Variants in LRP8 observed in about 807,000 individuals in gnomAD.
LRP8 encodes the protein LDL receptor related protein 8.
Under a neutral mutation model 111.6 loss-of-function variants are expected in LRP8, and 46 were observed. That is an observed-to-expected ratio of 0.41 (90% CI 0.33 to 0.53). LRP8 has a LOEUF of 0.53. Among genes scored for constraint, LRP8 ranks in the 20% least tolerant of loss-of-function variants. LRP8 has a pLI of 0.20. For missense variants in LRP8, 959 were observed against 1,297.4 expected, an observed-to-expected ratio of 0.74 and a Z score of 4.01; for synonymous variants, 464 against 511.2, an observed-to-expected ratio of 0.91 and a Z score of 1.24.
intron 2 of LRP8, among the ~76,000 whole-genome samples, chr1:53,316,277 AC>A (rs916106679): frequency 6.6e-6 from 1 of 152,124 alleles, no homozygotes; most frequent in African/African-American, 2.4e-5. Context: ...CTGATGTACC[AC>A]TTGGCCCCTA....
chr1:53,308,624 C>G (rs1325985365), intron 2 of LRP8, among the ~76,000 whole-genome samples: 1 of 152,194 alleles, frequency 6.6e-6, no homozygotes, highest in Non-Finnish European at 1.5e-5. Flanking sequence ...GGGAAATCCC[C>G]CATCCTCACC....
rs1226166587 is a variant in LRP8 at position 53,280,766 on chromosome 1, T to C, written c.368-51A>G. On this transcript the variant is annotated intron_variant, in intron 3 of 18. Coordinates refer to ENST00000306052, the MANE Select transcript of LRP8 (RefSeq NM_004631.5). ...GCTTAGCCAAGGGGGACACAGGGCATGGTGCCAACCAGTCCTACCACCCTG... is the reference window on the plus strand; with the variant it reads ...GCTTAGCCAAGGGGGACACAGGGCACGGTGCCAACCAGTCCTACCACCCTG... 3.1e-6 allele frequency: 5 copies of C among 1,600,526 alleles called. No homozygotes were observed. The South Asian group carries it at 5.5e-5, about 18-fold the overall frequency.
intron 2 of LRP8, among the ~76,000 whole-genome samples, chr1:53,298,575 A>G (rs1293677888): frequency 6.6e-6 from 1 of 152,208 alleles, no homozygotes; most frequent in Non-Finnish European, 1.5e-5. Flanking sequence ...AAGAAAACTC[A>G]TGACATTCTT....
intron 4 of LRP8, among the ~76,000 whole-genome samples, chr1:53,277,350 G>A (rs1646959392): frequency 6.6e-6 from 1 of 152,320 alleles, no homozygotes; most frequent in African/African-American, 2.4e-5. Context: ...GGGGGATTCC[G>A]AAACCTTAGA....
intron 1 of LRP8, 92 bp downstream of exon 1, chr1:53,327,697 G>T (rs1463779726): frequency 7.6e-7 from 1 of 1,322,494 alleles, no homozygotes; most frequent in African/African-American, 1.6e-5. Context: ...GATAGCCCCG[G>T]GTTCTGGACC....
intron 8 of LRP8, chr1:53,267,033 GGCTTCCTGC>G: frequency 5.3e-6 from 1 of 187,930 alleles, no homozygotes; most frequent in Non-Finnish European, 1.1e-5. Flanking sequence ...GCCATGGATG[GGCTTCCTGC>G]CTCAGAGCCT....
intron 8 of LRP8, among the ~76,000 whole-genome samples, chr1:53,270,716 G>A (rs865838873): frequency 6.6e-5 from 10 of 152,194 alleles, no homozygotes; most frequent in Non-Finnish European, 1.0e-4. Context: ...CCCACTCTGC[G>A]TCACCTTTCA....
chr1:53,266,436 C>T lies in LRP8; in HGVS notation c.1427+37G>A, dbSNP rs1158246469. 3.1e-6 allele frequency: 5 copies of T among 1,604,136 alleles called. No individual in the cohort carries two copies. The highest frequency in any genetic ancestry group is 4.5e-5 in the East Asian group (2 of 44,680). ...CACCTGTCACCACCCCTCACCCCCACTCTTCATGCCTTGCTGCAGAGGATA... is the reference window on the plus strand; with the variant it reads ...CACCTGTCACCACCCCTCACCCCCATTCTTCATGCCTTGCTGCAGAGGATA... On this transcript the variant is annotated intron_variant, in intron 9 of 18. Coordinates refer to ENST00000306052, the MANE Select transcript of LRP8 (RefSeq NM_004631.5). The surrounding 1 kb of genome is among the most constrained non-coding windows in gnomAD (Gnocchi z 5.0).
At chr1:53,261,920 G>A (rs1646354132) in intron 12 of LRP8, 148 bp downstream of exon 12, 1 of 940,292 alleles carries the variant, frequency 1.1e-6, no homozygotes, top group Non-Finnish European at 1.6e-6. Flanking sequence ...TTGTGTGCAG[G>A]CAGCTCACAG....
At chr1:53,267,747 T>G (rs1321172688) in intron 8 of LRP8, 1 of 152,222 alleles carries the variant, frequency 6.6e-6, no homozygotes, top group East Asian at 1.9e-4. Flanking sequence ...ACCTAGACTT[T>G]CCTGGCTACT....
intron 3 of LRP8, among the ~76,000 whole-genome samples, chr1:53,287,713 T>C (rs1161652751): frequency 6.6e-6 from 1 of 151,786 alleles, no homozygotes; most frequent in Non-Finnish European, 1.5e-5. Flanking sequence ...CCCTCAACTG[T>C]GAAAAGCGGG....
chr1:53,300,029 T>A (rs1449843048), intron 2 of LRP8, among the ~76,000 whole-genome samples: 2 of 152,220 alleles, frequency 1.3e-5, no homozygotes, highest in Non-Finnish European at 2.9e-5. Flanking sequence ...GTAGTCACTG[T>A]CCTACCAAAG....
chr1:53,269,147 T>C (rs990575564), intron 8 of LRP8, among the ~76,000 whole-genome samples: 3 of 152,198 alleles, frequency 2.0e-5, no homozygotes, highest in African/African-American at 4.8e-5. Flanking sequence ...CTTCCTAGTT[T>C]CCTTGCTCCA....
intron 2 of LRP8, among the ~76,000 whole-genome samples, chr1:53,301,254 G>A (rs140647022): frequency 9.5e-4 from 144 of 152,306 alleles, no homozygotes; most frequent in African/African-American, 3.3e-3. Flanking sequence ...GATACTCCCT[G>A]AGCCCAAGAG....
rs1213368064 is a variant in LRP8, at chr1:53,249,606, C to T, written c.2677-50G>A. ...TGACCTCTGAGGTCACACTCAGCCC[C>T]CTGACTGTGCTGTATAACAGTGACA... On this transcript the variant is annotated intron_variant, in intron 17 of 18. Transcript: ENST00000306052. This position sits in a 1 kb window ranked among gnomAD's most constrained non-coding sequence, Gnocchi z 4.1. 1.3e-6 allele frequency: 2 copies of T among 1,519,284 alleles called. No individual in the cohort carries two copies. Among genetic ancestry groups the T allele is most frequent in the Admixed American group, 4.3e-5 (2 of 46,648 alleles). 94.1% of individuals were successfully genotyped at this position (1,519,284 alleles called of 1,614,324 possible). A position where few individuals can be genotyped will look rare whatever the true frequency, so the allele number is the denominator to read the frequency against.
At chr1:53,318,747 A>G (rs962421745) in intron 2 of LRP8, among the ~76,000 whole-genome samples, 2 of 152,144 alleles carry the variant, frequency 1.3e-5, no homozygotes, top group African/African-American at 2.4e-5. Context: ...ATAGAAAGCC[A>G]TATGTGAAAA....
chr1:53,314,348 A>T (rs1457234240), intron 2 of LRP8, among the ~76,000 whole-genome samples: 1 of 152,240 alleles, frequency 6.6e-6, no homozygotes, highest in Non-Finnish European at 1.5e-5. Context: ...GAGCCTGCGA[A>T]TGTGCACGCC....
In LRP8 at chr1:53,262,315, C is replaced by T; in HGVS notation, c.1775-108G>A. The T allele has an allele frequency of 6.5e-7, 1 of 1,530,494 alleles. No individual in the cohort carries two copies. Among genetic ancestry groups the T allele is most frequent in the Non-Finnish European group, 9.0e-7 (1 of 1,115,582 alleles). 94.8% of individuals were successfully genotyped at this position (1,530,494 alleles called of 1,614,324 possible). On this transcript the variant is annotated intron_variant, in intron 11 of 18. Coordinates refer to ENST00000306052, the MANE Select transcript of LRP8 (RefSeq NM_004631.5). This position sits in a 1 kb window ranked among gnomAD's most constrained non-coding sequence, Gnocchi z 4.8. Reference sequence around the variant, plus strand: ...TTCTAGGCCTCACACTGAGGCCAGCCTACGGCAACCATTAGGAAACAAAGT... The same window carrying T: ...TTCTAGGCCTCACACTGAGGCCAGCTTACGGCAACCATTAGGAAACAAAGT...
chr1:53,316,316 T>C (rs1653788606), intron 2 of LRP8, among the ~76,000 whole-genome samples: 1 of 151,422 alleles, frequency 6.6e-6, no homozygotes, highest in Non-Finnish European at 1.5e-5. Flanking sequence ...AGGCTGGGAA[T>C]GGGGAGGGGA....
Sources: allele counts gnomAD v4.1 joint callset (sites outside exome capture counted in the v4.1 genomes callset), GRCh38; gene constraint gnomAD v4.1.1; non-coding constraint Gnocchi (gnomAD v3.1); transcripts MANE v1.5; gene names NCBI Gene and HGNC (gene_info 2026-07-23, HGNC 2026-07-21).